The following SLIT3 variants were observed in gnomAD, a reference collection of about 807,000 sequenced individuals.
SLIT3 encodes slit homolog 3 protein.
In SLIT3, 68 loss-of-function variants were observed where a neutral mutation model predicts 184.0. The observed-to-expected ratio is 0.37, with a 90% confidence interval of 0.30 to 0.45. The LOEUF (loss-of-function observed/expected upper bound fraction) is 0.45, where lower values mean the gene tolerates loss of function less well. Among genes scored for constraint, SLIT3 ranks in the 20% least tolerant of loss-of-function variants. SLIT3 has a pLI of 1.00. For missense variants in SLIT3, 1,707 were observed against 2,026.0 expected (o/e 0.84, Z 3.02); for synonymous variants, 831 against 828.6 (o/e 1.00, Z -0.05).
Position 168,753,077 on chromosome 5 carries a change from G to C in SLIT3, c.1851C>G (p.Ile617Met). The C allele has an allele frequency of 1.2e-6, 2 of 1,614,094 alleles. No individual in the cohort carries two copies. Among genetic ancestry groups the C allele is most frequent in the African/African-American group, 2.7e-5 (2 of 75,040 alleles). The change falls in exon 18 of 36, where the codon ATC becomes ATG. Residue 617 changes from isoleucine to methionine, a missense_variant. Ile to Met is a conservative substitution (Grantham distance 10). Coordinates refer to ENST00000519560, the MANE Select transcript of SLIT3 (RefSeq NM_003062.4). ...LKTLMLRSNL[I>M]GCVSNDTFAG... is the part of the protein sequence containing the mutation. ...CAAAGGTGTCATTACTCACACAGCC[G>C]ATCAAGTTACTCCTCAGCATCCTAC...
chr5:168,868,829 T>G (rs1362839848), intron 5 of SLIT3, among the ~76,000 whole-genome samples: 1 of 151,650 alleles, frequency 6.6e-6, no homozygotes, highest in East Asian at 1.9e-4. Flanking sequence ...TCATCCTTAT[T>G]TTATTGAAAA....
chr5:169,142,080 A>AAAATAAAAAT (rs1554101789), intron 4 of SLIT3, among the ~76,000 whole-genome samples: 1 of 42,768 alleles, frequency 2.3e-5, no homozygotes, highest in East Asian at 8.9e-4. Flanking sequence ...AATAAAAATA[A>AAAATAAAAAT]AAATAAATAA....
intron 3 of SLIT3, among the ~76,000 whole-genome samples, chr5:169,199,862 C>T (rs890810119): frequency 2.0e-5 from 3 of 152,194 alleles, no homozygotes; most frequent in East Asian, 1.9e-4. Context: ...AAGTCCTTTG[C>T]GTCCCAACAG....
intron 4 of SLIT3, among the ~76,000 whole-genome samples, chr5:168,995,122 T>C (rs1397195440): frequency 6.6e-6 from 1 of 152,222 alleles, no homozygotes; most frequent in East Asian, 1.9e-4. Flanking sequence ...GTGATCTTAC[T>C]TAAGAGTCCC....
rs560376309 is a variant in SLIT3 at position 168,719,474 on chromosome 5, T to C, written c.2483+2782A>G. Among the ~76,000 whole-genome samples the C allele has an allele frequency of 1.3e-4, 20 of 152,362 alleles. No homozygotes were observed. The East Asian group carries it at 3.8e-3, about 29-fold the overall frequency. On this transcript the variant is annotated intron_variant, in intron 23 of 35. Transcript: ENST00000519560. ...CTTCATAGGTATAAATGTTTACAAG[T>C]TATAATTGTAACATATATACAAGTT... is the stretch of plus-strand genomic sequence containing the variant.
At chr5:169,297,075 T>C (rs1001918857) in intron 1 of SLIT3, among the ~76,000 whole-genome samples, 2 of 152,240 alleles carry the variant, frequency 1.3e-5, no homozygotes, top group Non-Finnish European at 2.9e-5. Context: ...CAACATCTGT[T>C]TACTCTGTGC....
At chr5:169,208,963 A>G (rs1249702848) in intron 3 of SLIT3, among the ~76,000 whole-genome samples, 1 of 152,248 alleles carries the variant, frequency 6.6e-6, no homozygotes, top group Non-Finnish European at 1.5e-5. Flanking sequence ...ATGGGATCTA[A>G]TTAAACTAAA....
intron 3 of SLIT3, among the ~76,000 whole-genome samples, chr5:169,208,592 G>T (rs1764153270): frequency 6.6e-6 from 1 of 152,136 alleles, no homozygotes; most frequent in South Asian, 2.1e-4. Context: ...CAGATATATA[G>T]ACCAATGGAA....
At chr5:168,977,208 T>C (rs1290943040) in intron 4 of SLIT3, among the ~76,000 whole-genome samples, 1 of 152,126 alleles carries the variant, frequency 6.6e-6, no homozygotes, top group Non-Finnish European at 1.5e-5. Flanking sequence ...GTAGGAGTGG[T>C]AACGACAGTG....
At chr5:168,881,343 C>G (rs142312003) in intron 5 of SLIT3, among the ~76,000 whole-genome samples, 20 of 152,204 alleles carry the variant, frequency 1.3e-4, no homozygotes, top group African/African-American at 4.3e-4. Flanking sequence ...TCTGAGAAAC[C>G]CTAGCAACTA....
Position 169,268,711 on chromosome 5 carries a change from T to A in SLIT3, c.198-17252A>T, listed in dbSNP as rs566183831. ...AAACCACCCTTATCTGCAAAATGGG[T>A]TAGCAGCACTTGCAGAACCTCAGAG... On this transcript the variant is annotated intron_variant, in intron 1 of 35. Coordinates refer to ENST00000519560, the MANE Select transcript of SLIT3 (RefSeq NM_003062.4). Among the ~76,000 whole-genome samples, 12 of 152,316 alleles carry A rather than the reference T, an allele frequency of 7.9e-5. No individual in the cohort carries two copies. The East Asian group carries it at 2.1e-3, about 27-fold the overall frequency.
At chr5:168,993,739 G>A (rs982399665) in intron 4 of SLIT3, among the ~76,000 whole-genome samples, 10 of 151,580 alleles carry the variant, frequency 6.6e-5, no homozygotes, top group African/African-American at 2.2e-4. Context: ...AAGTGAAGAC[G>A]GGCACAGAAA....
At chr5:169,262,250 T>A (rs967826266) in intron 1 of SLIT3, among the ~76,000 whole-genome samples, 1 of 152,128 alleles carries the variant, frequency 6.6e-6, no homozygotes, top group African/African-American at 2.4e-5. Context: ...ACAAGGAGAC[T>A]ACAGACTGCA....
intron 8 of SLIT3, among the ~76,000 whole-genome samples, chr5:168,807,130 C>T (rs1756996470): frequency 6.6e-6 from 1 of 152,116 alleles, no homozygotes; most frequent in Non-Finnish European, 1.5e-5. Context: ...GTCCAGGGAA[C>T]ATGCAAATAA....
chr5:169,284,702 G>A (rs537838776), intron 1 of SLIT3, among the ~76,000 whole-genome samples: 3 of 152,294 alleles, frequency 2.0e-5, no homozygotes, highest in African/African-American at 7.2e-5. Flanking sequence ...TTTGAAACCA[G>A]GTTTGTCTGA....
At chr5:168,830,423 T>C (rs574216944) in intron 6 of SLIT3, among the ~76,000 whole-genome samples, 1 of 152,310 alleles carries the variant, frequency 6.6e-6, no homozygotes. Flanking sequence ...ATAAGAACGA[T>C]GCAATAAAGC....
intron 8 of SLIT3, among the ~76,000 whole-genome samples, chr5:168,811,668 C>G (rs960033018): frequency 2.6e-5 from 4 of 152,198 alleles, no homozygotes; most frequent in Non-Finnish European, 4.4e-5. Flanking sequence ...AACGAGCTAT[C>G]ACCCCATCCC....
At chr5:169,086,982 A>G (rs1481919264) in intron 4 of SLIT3, among the ~76,000 whole-genome samples, 1 of 152,238 alleles carries the variant, frequency 6.6e-6, no homozygotes, top group Non-Finnish European at 1.5e-5. Flanking sequence ...GCTGAAGATT[A>G]GTGCTATGCA....
At chr5:168,797,864 T>C (rs1756621496) in intron 9 of SLIT3, among the ~76,000 whole-genome samples, 1 of 152,166 alleles carries the variant, frequency 6.6e-6, no homozygotes, top group Non-Finnish European at 1.5e-5. Flanking sequence ...CTGATATCTC[T>C]GTTTCTATCC....
Sources: allele counts gnomAD v4.1 joint callset (sites outside exome capture counted in the v4.1 genomes callset), GRCh38; gene constraint gnomAD v4.1.1; transcripts MANE v1.5; gene names NCBI Gene and HGNC (gene_info 2026-07-23, HGNC 2026-07-21).